Variants in PCTP observed in about 807,000 individuals in gnomAD.
PCTP encodes START domain-containing protein 2.
In PCTP, 27 loss-of-function variants were observed where a neutral mutation model predicts 31.0. The observed-to-expected ratio is 0.87, with a 90% CI of 0.64 to 1.20. The LOEUF is 1.20. Among genes scored for constraint, PCTP ranks in the 50% most tolerant of loss-of-function variants. PCTP has a pLI of 0.00. For synonymous variants in PCTP, 108 were observed against 101.2 expected (o/e 1.07, Z -0.40); for missense variants, 287 against 268.2 (o/e 1.07, Z -0.49).
chr17:55,769,744 A>C (rs1910876051), intron 2 of PCTP: 1 of 152,268 alleles, frequency 6.6e-6, no homozygotes, highest in East Asian at 1.9e-4. Context: ...CAGATCTGCC[A>C]TCCCTGAATT....
downstream of PCTP, among the ~76,000 whole-genome samples, chr17:55,781,849 T>A (rs561460333): frequency 6.6e-6 from 1 of 152,340 alleles, no homozygotes; most frequent in East Asian, 1.9e-4. Flanking sequence ...CTATGATGTT[T>A]GCACAATGAC....
intron 1 of PCTP, among the ~76,000 whole-genome samples, chr17:55,754,814 A>G (rs573459733): frequency 3.3e-5 from 5 of 152,192 alleles, no homozygotes; most frequent in Admixed American, 6.5e-5. Context: ...GTTATGAACC[A>G]GGAACAGTGG....
In PCTP at chr17:55,751,113, G is replaced by A. The variant is rs1183735204; in HGVS notation, c.10G>A (p.Ala4Thr). 3 of 1,540,348 alleles carry A rather than the reference G, an allele frequency of 1.9e-6. No individual in the cohort carries two copies. Among genetic ancestry groups the A allele is most frequent in the South Asian group, 2.4e-5 (2 of 83,198 alleles). The change falls in exon 1 of 6, where the codon GCC (alanine) becomes ACC (threonine). Residue 4 changes from alanine to threonine, a missense_variant. Coordinates refer to ENST00000268896, the MANE Select transcript of PCTP (RefSeq NM_021213.4). MEL[A>T]AGSFSEEQFW... ...CCCGGACTGCGGAAGGATGGAGCTG[G>A]CCGCCGGAAGCTTCTCGGAGGAGCA...
intron 3 of PCTP, among the ~76,000 whole-genome samples, chr17:55,788,191 C>T (rs1911820624): frequency 6.6e-6 from 1 of 152,180 alleles, no homozygotes. Context: ...GGACTTCACA[C>T]TAGTTCTTAA....
chr17:55,786,126 G>A (rs9894901), intron 2 of PCTP, among the ~76,000 whole-genome samples: 32,123 of 151,960 alleles, frequency 0.21, 3,977 homozygotes, highest in African/African-American at 0.35. Flanking sequence ...CTACCAAAAA[G>A]TACAAAAATT....
intron 3 of PCTP, among the ~76,000 whole-genome samples, chr17:55,791,689 C>T (rs1051045053): frequency 6.6e-6 from 1 of 152,040 alleles, no homozygotes; most frequent in Middle Eastern, 3.2e-3. Context: ...GAAATAGGAA[C>T]ACTTTTACAC....
chr17:55,782,956 T>C (rs1911612316), intron 2 of PCTP, among the ~76,000 whole-genome samples: 1 of 152,174 alleles, frequency 6.6e-6, no homozygotes, highest in South Asian at 2.1e-4. Context: ...ACTCAATAGA[T>C]AGAGCACAAA....
At chr17:55,791,650 G>T (rs1219007930) in intron 3 of PCTP, among the ~76,000 whole-genome samples, 12 of 151,464 alleles carry the variant, frequency 7.9e-5, no homozygotes, top group African/African-American at 2.9e-4. Flanking sequence ...AAAAAGTCAG[G>T]AAACAACAGG....
chr17:55,847,037 T>G (rs1192897005), downstream of PCTP, among the ~76,000 whole-genome samples: 2 of 152,208 alleles, frequency 1.3e-5, no homozygotes, highest in African/African-American at 2.4e-5. Context: ...GTGATTGCCA[T>G]GTAGTAGCCT....
intron 3 of PCTP, among the ~76,000 whole-genome samples, chr17:55,804,249 C>G (rs973915832): frequency 6.6e-6 from 1 of 152,188 alleles, no homozygotes; most frequent in Non-Finnish European, 1.5e-5. Context: ...AATAGGAATG[C>G]TTTTACACTG....
intron 3 of PCTP, among the ~76,000 whole-genome samples, chr17:55,788,030 G>A (rs1422163869): frequency 6.6e-6 from 1 of 152,042 alleles, no homozygotes; most frequent in Non-Finnish European, 1.5e-5. Context: ...GTCTAAGTCT[G>A]GTTTATCCTT....
At chr17:55,791,617 C>T (rs1911984905) in intron 3 of PCTP, among the ~76,000 whole-genome samples, 2 of 150,580 alleles carry the variant, frequency 1.3e-5, no homozygotes, top group Non-Finnish European at 3.0e-5. Flanking sequence ...TACCATCTCA[C>T]ACCAGTTAGA....
At chr17:55,753,947 T>C (rs1260444818) in intron 1 of PCTP, among the ~76,000 whole-genome samples, 4 of 152,158 alleles carry the variant, frequency 2.6e-5, no homozygotes, top group Admixed American at 6.5e-5. Flanking sequence ...CTTAGGAGGG[T>C]GAGTCCTCAT....
At chr17:55,817,309 C>CA (rs1162857661) in intron 3 of PCTP, among the ~76,000 whole-genome samples, 4 of 152,126 alleles carry the variant, frequency 2.6e-5, no homozygotes, top group Admixed American at 6.5e-5. Context: ...GAGGAGAAGG[C>CA]AAAAAGTAGC....
chr17:55,839,938 A>C (rs1026358387), intron 5 of PCTP, among the ~76,000 whole-genome samples: 11 of 150,190 alleles, frequency 7.3e-5, no homozygotes, highest in East Asian at 1.9e-4. Flanking sequence ...AAAAAAAAAA[A>C]AAAAAAAAAC....
chr17:55,817,714 G>A (rs1009655310), intron 3 of PCTP, among the ~76,000 whole-genome samples: 3 of 152,270 alleles, frequency 2.0e-5, no homozygotes, highest in African/African-American at 7.2e-5. Flanking sequence ...TGCACTCCTT[G>A]GTTTAGAATT....
chr17:55,751,224 A>G lies in PCTP; in HGVS notation c.121A>G (p.Ile41Val). 1 of 1,543,658 alleles carries G rather than the reference A, an allele frequency of 6.5e-7. No homozygotes were observed. The highest frequency in any genetic ancestry group is 8.7e-7 in the Non-Finnish European group (1 of 1,144,062). Residue 41 changes from isoleucine (I) to valine (V), a missense_variant, in exon 1 of 6, where the codon ATC (isoleucine) becomes GTC (valine). By Grantham distance (29) the Ile-to-Val change is conservative. Transcript: ENST00000268896. ...CCTAGTGGAGACCTCGGGCATCAGCATCTACCGGCTGCTGGACAAGGTAGC... is the reference window on the plus strand; with the variant it reads ...CCTAGTGGAGACCTCGGGCATCAGCGTCTACCGGCTGCTGGACAAGGTAGC... Reference protein sequence around the residue: ...QLLVETSGISIYRLLDKKTGL... With the variant: ...QLLVETSGISVYRLLDKKTGL...
At chr17:55,774,748 G>C in intron 4 of PCTP, 44 bp from the exon 5 acceptor site, 1 of 1,475,084 alleles carries the variant, frequency 6.8e-7, no homozygotes, top group South Asian at 1.1e-5. Context: ...ATATTTTTCT[G>C]GTATTTTTCC....
At chr17:55,816,270 C>T (rs774836428) in intron 3 of PCTP, among the ~76,000 whole-genome samples, 91 of 152,298 alleles carry the variant, frequency 6.0e-4, no homozygotes, top group African/African-American at 2.1e-3. Flanking sequence ...ATCCTCCTGT[C>T]TTCCCAGGTC....
Sources: gnomAD v4.1 joint callset for allele counts (sites outside exome capture counted in the v4.1 genomes callset) on GRCh38, gnomAD v4.1.1 for gene constraint, MANE v1.5 for transcripts, NCBI Gene and HGNC (gene_info 2026-07-23, HGNC 2026-07-21) for gene names.